PIEZO1: variants seen among roughly 807,000 people sequenced by gnomAD.
PIEZO1 encodes piezo-type mechanosensitive ion channel component 1.
PIEZO1 carries 296 observed loss-of-function variants against 297.2 expected under a neutral mutation model. The observed-to-expected ratio is 1.00, with a 90% CI of 0.91 to 1.10. The LOEUF is 1.10. Among genes scored for constraint, PIEZO1 ranks in the 50% least tolerant of loss-of-function variants. The probability of loss-of-function intolerance (pLI) is 0.00; values close to 1 mark genes in which losing one functional copy is unlikely to be tolerated. For synonymous variants in PIEZO1, 2,427 were observed against 1,507.5 expected, an observed-to-expected ratio of 1.61 and a Z score of -14.13; for missense variants, 5,018 against 3,455.5, an observed-to-expected ratio of 1.45 and a Z score of -11.34.
In PIEZO1 at chr16:88,723,276, T is replaced by TGCC. The variant is rs759270131; in HGVS notation, c.4385_4387dup (p.Arg1462dup). 8.4e-6 allele frequency: 13 copies of TGCC among 1,542,742 alleles called. No homozygotes were observed. The highest frequency in any genetic ancestry group is 4.9e-5 in the East Asian group (2 of 40,916). ...CTGCCTTGCCTGCTCCTGCTCCTGC[T>TGCC]GCCGCCGCCTCAGCACCGCCTGGGC... On this transcript the variant is annotated inframe_insertion, in exon 32 of 51. Coordinates refer to ENST00000301015, the MANE Select transcript of PIEZO1 (RefSeq NM_001142864.4).
Position 88,721,436 on chromosome 16 carries a change from G to A in PIEZO1, c.5404-6C>T, listed in dbSNP as rs1265127984. 6.5e-7 allele frequency: 1 copy of A among 1,544,468 alleles called. No individual in the cohort carries two copies. Among genetic ancestry groups the A allele is most frequent in the Non-Finnish European group, 8.8e-7 (1 of 1,142,504 alleles). ...TGGTCCCAGAGGCCATAGCACTGAG[G>A]GGCGGGAGGGTGTGGTGAGGGGGCC... On this transcript the variant is annotated splice_polypyrimidine_tract_variant and splice_region_variant and intron_variant, in intron 38 of 50. Transcript: ENST00000301015.
intron 2 of PIEZO1, chr16:88,742,704 C>T (rs528772220): frequency 6.3e-5 from 28 of 447,270 alleles, no homozygotes; most frequent in African/African-American, 5.0e-4. Flanking sequence ...CAGAGGAAAC[C>T]ACCTGGGGTG....
intron 2 of PIEZO1, among the ~76,000 whole-genome samples, chr16:88,747,208 G>C (rs1450810401): frequency 6.7e-6 from 1 of 149,588 alleles, no homozygotes; most frequent in Non-Finnish European, 1.5e-5. Flanking sequence ...TCCAGCCTGG[G>C]CAACCAAGCA....
intron 1 of PIEZO1, among the ~76,000 whole-genome samples, chr16:88,778,972 G>A (rs1467735929): frequency 6.6e-6 from 1 of 152,070 alleles, no homozygotes; most frequent in Non-Finnish European, 1.5e-5. Flanking sequence ...GCTTCCCGCT[G>A]GGAACAGGGG....
At chr16:88,776,390 G>C (rs1449922754) in intron 1 of PIEZO1, among the ~76,000 whole-genome samples, 1 of 152,018 alleles carries the variant, frequency 6.6e-6, no homozygotes, top group Admixed American at 6.5e-5. Flanking sequence ...GCCCAGACTG[G>C]GCCACTGCAC....
rs1207326343 is a variant in PIEZO1 at position 88,742,060 on chromosome 16, C to T, written c.319G>A (p.Val107Ile). The change falls in exon 4 of 51, where the codon GTC becomes ATC. Residue 107 changes from valine to isoleucine, a missense_variant. By Grantham distance (29) the Val-to-Ile change is conservative. Coordinates refer to ENST00000301015, the MANE Select transcript of PIEZO1 (RefSeq NM_001142864.4). The part of the protein sequence containing the change: ...RWETLSRHIG[V>I]TRLDLKDIPN... ...TGGGAGGAATGGTCTTACCTTGTGA[C>T]CCCTATGTGTCGCGAGAGGGTCTCC... is the stretch of plus-strand genomic sequence containing the variant. 6 of 1,535,986 alleles carry T rather than the reference C, an allele frequency of 3.9e-6. No homozygotes were observed. The highest frequency in any genetic ancestry group is 2.0e-5 in the Admixed American group (1 of 50,944).
chr16:88,717,831 C>T (rs570624912), intron 44 of PIEZO1: 4 of 441,720 alleles, frequency 9.1e-6, no homozygotes, highest in East Asian at 7.0e-5. Context: ...AGAAAAAACT[C>T]TAATAAAAAA....
chr16:88,783,437 A>AG (rs1005391618), intron 1 of PIEZO1, among the ~76,000 whole-genome samples: 26 of 152,306 alleles, frequency 1.7e-4, no homozygotes, highest in East Asian at 5.8e-4. Context: ...GCCATCTGAG[A>AG]GGGGGGGCAT....
At chr16:88,777,615 C>G (rs1245567581) in intron 1 of PIEZO1, among the ~76,000 whole-genome samples, 3 of 152,236 alleles carry the variant, frequency 2.0e-5, no homozygotes, top group African/African-American at 7.2e-5. Flanking sequence ...TTTCAAAACT[C>G]CCTTTCATGT....
intron 1 of PIEZO1, among the ~76,000 whole-genome samples, chr16:88,761,289 C>T (rs1839896807): frequency 6.6e-6 from 1 of 152,228 alleles, no homozygotes; most frequent in African/African-American, 2.4e-5. Context: ...GATGAGCACA[C>T]AGAGGCTGCA....
At chr16:88,743,311 C>T (rs1402272257) in intron 2 of PIEZO1, 1 of 456,108 alleles carries the variant, frequency 2.2e-6, no homozygotes. Flanking sequence ...CCTTGACCCA[C>T]CGGGTTCTGA....
intron 22 of PIEZO1, among the ~76,000 whole-genome samples, chr16:88,730,915 T>G (rs1195674476): frequency 6.6e-6 from 1 of 152,100 alleles, no homozygotes; most frequent in Non-Finnish European, 1.5e-5. Context: ...GTCTGTTTCG[T>G]AAAACCACAA....
intron 1 of PIEZO1, among the ~76,000 whole-genome samples, chr16:88,769,134 G>A (rs899377679): frequency 2.6e-5 from 4 of 152,348 alleles, no homozygotes; most frequent in South Asian, 2.1e-4. Flanking sequence ...CACGCATAAT[G>A]AGGTATCTTG....
chr16:88,727,547 G>A lies in PIEZO1; in HGVS notation c.3301+10C>T, dbSNP rs1371671703. The stretch of plus-strand genomic sequence containing the variant: ...CCTCTGCAGAGGCGGGGGTGGTGGG[G>A]GGCACTCACTGATGAGGTTGGTGGA... On this transcript the variant is annotated intron_variant, in intron 23 of 50. Coordinates refer to ENST00000301015, the MANE Select transcript of PIEZO1 (RefSeq NM_001142864.4). 1 of 1,181,286 alleles carries A rather than the reference G, an allele frequency of 8.5e-7. No individual in the cohort carries two copies. Among genetic ancestry groups the A allele is most frequent in the South Asian group, 1.4e-5 (1 of 70,592 alleles). 73.2% of individuals were successfully genotyped at this position (1,181,286 alleles called of 1,614,324 possible).
At chr16:88,758,808 G>A (rs1056740868) in intron 1 of PIEZO1, among the ~76,000 whole-genome samples, 2 of 152,212 alleles carry the variant, frequency 1.3e-5, no homozygotes, top group Non-Finnish European at 2.9e-5. Flanking sequence ...CTCCTCACAG[G>A]ATTGTCGCAG....
chr16:88,734,218 C>A, intron 16 of PIEZO1, 138 bp downstream of exon 16: 1 of 1,180,280 alleles, frequency 8.5e-7, no homozygotes. Flanking sequence ...CACGCTACTG[C>A]CATCCCCTTG....
intron 1 of PIEZO1, among the ~76,000 whole-genome samples, chr16:88,772,490 C>T (rs530097840): frequency 1.3e-5 from 2 of 152,288 alleles, no homozygotes; most frequent in South Asian, 4.1e-4. Context: ...CATAAAAAGG[C>T]CCGTGCCTGG....
At chr16:88,728,494 G>A (rs1464073170) in intron 22 of PIEZO1, among the ~76,000 whole-genome samples, 1 of 146,006 alleles carries the variant, frequency 6.8e-6, no homozygotes, top group Non-Finnish European at 1.5e-5. Context: ...TCGATGCTGG[G>A]GAACCCAGGA....
At chr16:88,781,581 C>T (rs2142914857) in intron 1 of PIEZO1, among the ~76,000 whole-genome samples, 1 of 152,364 alleles carries the variant, frequency 6.6e-6, no homozygotes, top group Non-Finnish European at 1.5e-5. Flanking sequence ...AAGGGGCCCC[C>T]AAGCCACAGA....
Sources: allele counts gnomAD v4.1 joint callset (sites outside exome capture counted in the v4.1 genomes callset), GRCh38; gene constraint gnomAD v4.1.1; transcripts MANE v1.5; gene names NCBI Gene and HGNC (gene_info 2026-07-23, HGNC 2026-07-21).